Variants in LRRTM4 observed in about 807,000 individuals in gnomAD.
LRRTM4 encodes the protein leucine-rich repeat transmembrane neuronal protein 4.
LRRTM4 carries 25 observed loss-of-function variants against 47.6 expected under a neutral mutation model. The observed-to-expected ratio is 0.53, with a 90% confidence interval of 0.38 to 0.73. LRRTM4 has a LOEUF of 0.73. LRRTM4 is among the 30% of genes least tolerant of loss of function. The pLI is 0.00. For missense variants in LRRTM4, 638 were observed against 713.4 expected (o/e 0.89, Z 1.20); for synonymous variants, 311 against 269.5 (o/e 1.15, Z -1.51).
intron 3 of LRRTM4, among the ~76,000 whole-genome samples, chr2:77,126,277 C>T (rs892302449): frequency 6.6e-6 from 1 of 151,770 alleles, no homozygotes; most frequent in South Asian, 2.1e-4. Flanking sequence ...AGAGACAGAC[C>T]AAAAATTGGA....
intron 3 of LRRTM4, among the ~76,000 whole-genome samples, chr2:77,256,316 G>A (rs13414812): frequency 0.12 from 18,730 of 152,060 alleles, 3,865 homozygotes; most frequent in African/African-American, 0.42. Flanking sequence ...GAATGGTGTC[G>A]TTGGTAAACT....
intron 3 of LRRTM4, among the ~76,000 whole-genome samples, chr2:76,915,514 G>C (rs754043994): frequency 6.6e-6 from 1 of 152,128 alleles, no homozygotes; most frequent in South Asian, 2.1e-4. Context: ...TAGAGTTAAT[G>C]GTTAAATTGA....
At chr2:76,956,149 T>C (rs758174844) in intron 3 of LRRTM4, among the ~76,000 whole-genome samples, 3 of 151,584 alleles carry the variant, frequency 2.0e-5, no homozygotes, top group Non-Finnish European at 4.4e-5. Context: ...ATACAAATGA[T>C]AACCAAAGAA....
intron 3 of LRRTM4, among the ~76,000 whole-genome samples, chr2:77,252,768 C>T (rs1476160341): frequency 2.0e-5 from 3 of 152,020 alleles, no homozygotes; most frequent in Non-Finnish European, 4.4e-5. Context: ...GAGATGGGGA[C>T]ATTCCTGGAT....
chr2:76,767,008 C>A (rs1220437547), intron 3 of LRRTM4, among the ~76,000 whole-genome samples: 2 of 152,120 alleles, frequency 1.3e-5, no homozygotes, highest in Non-Finnish European at 2.9e-5. Flanking sequence ...GATCTGATAA[C>A]CCTGCATCTT....
chr2:76,940,792 T>TA (rs1375677161), intron 3 of LRRTM4, among the ~76,000 whole-genome samples: 1 of 152,184 alleles, frequency 6.6e-6, no homozygotes, highest in African/African-American at 2.4e-5. Flanking sequence ...TGTGCTAACC[T>TA]GAACTCCCTT....
intron 3 of LRRTM4, among the ~76,000 whole-genome samples, chr2:76,779,846 C>A (rs1318877425): frequency 1.3e-5 from 2 of 152,084 alleles, no homozygotes; most frequent in Admixed American, 1.3e-4. Context: ...GATGCAGTTT[C>A]TTCCTAGTCT....
At chr2:76,784,717 C>T (rs758665550) in intron 3 of LRRTM4, among the ~76,000 whole-genome samples, 1 of 152,124 alleles carries the variant, frequency 6.6e-6, no homozygotes, top group East Asian at 1.9e-4. Context: ...TTTTACACAT[C>T]TGAACACCTT....
rs116601291 is a variant in LRRTM4 at position 77,515,964 on chromosome 2, C to G, written c.1551+2354G>C. Among the ~76,000 whole-genome samples the G allele has an allele frequency of 2.1e-3, 316 of 151,900 alleles. 1 individual carries two copies. Among genetic ancestry groups the G allele is most frequent in the African/African-American group, 7.0e-3 (291 of 41,520 alleles). On this transcript the variant is annotated intron_variant, in intron 3 of 3. Coordinates refer to ENST00000409884, the MANE Select transcript of LRRTM4 (RefSeq NM_001134745.3). ...CTGTCAAAAAATGGGGTGACCCCTG[C>G]AATGTTTGTTTTTGTATGCTTTCGT... is the stretch of plus-strand genomic sequence containing the variant.
At chr2:77,484,775 T>C (rs1558765536) in intron 3 of LRRTM4, among the ~76,000 whole-genome samples, 2 of 152,176 alleles carry the variant, frequency 1.3e-5, no homozygotes, top group Non-Finnish European at 2.9e-5. Flanking sequence ...GTTTTTTTTC[T>C]TTTGTAATGG....
At chr2:76,942,893 A>T (rs1004457208) in intron 3 of LRRTM4, among the ~76,000 whole-genome samples, 2 of 152,146 alleles carry the variant, frequency 1.3e-5, no homozygotes, top group African/African-American at 4.8e-5. Context: ...TAGGTAATTG[A>T]TACTGCCAAT....
intron 3 of LRRTM4, among the ~76,000 whole-genome samples, chr2:76,953,093 G>C (rs1168617448): frequency 6.6e-6 from 1 of 151,118 alleles, no homozygotes; most frequent in Non-Finnish European, 1.5e-5. Context: ...CTCACTACCT[G>C]GATACAATAT....
At chr2:77,347,812 T>A (rs2104289698) in intron 3 of LRRTM4, among the ~76,000 whole-genome samples, 1 of 152,236 alleles carries the variant, frequency 6.6e-6, no homozygotes, top group East Asian at 1.9e-4. Context: ...TGGTCTAAAA[T>A]ATGAACACAT....
At chr2:77,160,692 T>C (rs1048596883) in intron 3 of LRRTM4, among the ~76,000 whole-genome samples, 3 of 152,116 alleles carry the variant, frequency 2.0e-5, no homozygotes, top group African/African-American at 4.8e-5. Context: ...GTCTTGATCA[T>C]AGACCAGTCT....
chr2:77,217,251 C>T (rs552495965), intron 3 of LRRTM4, among the ~76,000 whole-genome samples: 2 of 150,646 alleles, frequency 1.3e-5, no homozygotes, highest in Non-Finnish European at 2.9e-5. Flanking sequence ...TTTACCTAAT[C>T]TGTTTACTCT....
At chr2:76,843,593 A>G (rs761715198) in intron 3 of LRRTM4, among the ~76,000 whole-genome samples, 11 of 152,216 alleles carry the variant, frequency 7.2e-5, no homozygotes, top group Non-Finnish European at 1.5e-4. Flanking sequence ...ATCTGGTAAT[A>G]GTGTGACTAT....
At chr2:77,418,586 C>T (rs1289747993) in intron 3 of LRRTM4, among the ~76,000 whole-genome samples, 1 of 152,144 alleles carries the variant, frequency 6.6e-6, no homozygotes, top group African/African-American at 2.4e-5. Flanking sequence ...CCTCTTAGGC[C>T]TATTTGGCCC....
chr2:77,046,194 A>G (rs79856127), intron 3 of LRRTM4, among the ~76,000 whole-genome samples: 5,194 of 152,000 alleles, frequency 0.034, 301 homozygotes, highest in African/African-American at 0.12. Flanking sequence ...AGGTGTTCCT[A>G]TGTGTTTTAC....
intron 3 of LRRTM4, among the ~76,000 whole-genome samples, chr2:77,069,519 T>A (rs1388588909): frequency 6.6e-6 from 1 of 152,106 alleles, no homozygotes; most frequent in Non-Finnish European, 1.5e-5. Flanking sequence ...AGTGAAGCCA[T>A]CTTGTTCTGG....
Sources: gnomAD v4.1 joint callset for allele counts (sites outside exome capture counted in the v4.1 genomes callset) on GRCh38, gnomAD v4.1.1 for gene constraint, MANE v1.5 for transcripts, NCBI Gene and HGNC (gene_info 2026-07-23, HGNC 2026-07-21) for gene names.